The following CAMTA1 variants were observed in gnomAD, a reference collection of about 807,000 sequenced individuals.
The protein encoded by CAMTA1 is calmodulin-binding transcription activator 1.
In CAMTA1, 27 loss-of-function variants were observed where a neutral mutation model predicts 170.9. The observed-to-expected ratio is 0.16, with a 90% CI of 0.12 to 0.22. CAMTA1 has a LOEUF of 0.22. Ranked by LOEUF, CAMTA1 falls within the 10% of genes least tolerant of loss-of-function variation. The probability of loss-of-function intolerance (pLI) is 1.00; values close to 1 mark genes in which losing one functional copy is unlikely to be tolerated. For synonymous variants in CAMTA1, 833 were observed against 891.5 expected (o/e 0.93, Z 1.17); for missense variants, 1,619 against 2,217.2 (o/e 0.73, Z 5.42).
chr1:7,657,858 C>T (rs1304764085), intron 7 of CAMTA1, among the ~76,000 whole-genome samples: 1 of 152,076 alleles, frequency 6.6e-6, no homozygotes, highest in Non-Finnish European at 1.5e-5. Context: ...TAGAAACTCT[C>T]TGCTTGCAAT....
chr1:6,809,227 A>T (rs997514371), intron 1 of CAMTA1, among the ~76,000 whole-genome samples: 1 of 151,942 alleles, frequency 6.6e-6, no homozygotes, highest in Non-Finnish European at 1.5e-5. Flanking sequence ...GGGTTTCACC[A>T]TGTTGGCCAG....
intron 5 of CAMTA1, among the ~76,000 whole-genome samples, chr1:7,412,343 C>T (rs2090839783): frequency 1.3e-5 from 2 of 151,716 alleles, no homozygotes; most frequent in African/African-American, 2.4e-5. Context: ...CACTGACTTC[C>T]ACAATGGTTG....
intron 1 of CAMTA1, among the ~76,000 whole-genome samples, chr1:6,796,081 C>T (rs1642410364): frequency 6.8e-6 from 1 of 146,364 alleles, no homozygotes; most frequent in South Asian, 2.2e-4. Flanking sequence ...TTTGTTCTTA[C>T]AGGAAGTTGA....
intron 6 of CAMTA1, among the ~76,000 whole-genome samples, chr1:7,640,165 G>C (rs554920463): frequency 1.9e-4 from 29 of 152,172 alleles, no homozygotes; most frequent in Non-Finnish European, 3.5e-4. Context: ...ACAGCCGGAG[G>C]GGGAGGGGCC....
chr1:7,148,148 C>T (rs150935253), intron 4 of CAMTA1, among the ~76,000 whole-genome samples: 59 of 150,200 alleles, frequency 3.9e-4, no homozygotes, highest in African/African-American at 9.8e-4. Flanking sequence ...CATACACACA[C>T]GACACAAATG....
chr1:7,646,956 A>G (rs2095810926), intron 7 of CAMTA1, among the ~76,000 whole-genome samples: 1 of 152,184 alleles, frequency 6.6e-6, no homozygotes, highest in African/African-American at 2.4e-5. Context: ...AGCCTTCAGC[A>G]TCTGTAAGGC....
At chr1:7,112,150 G>A (rs79212950) in intron 4 of CAMTA1, among the ~76,000 whole-genome samples, 2,687 of 152,130 alleles carry the variant, frequency 0.018, 75 homozygotes, top group African/African-American at 0.062. Context: ...CCAGTGGCAC[G>A]TGCATTTGTT....
At chr1:7,737,112 G>A (rs968427965) in intron 14 of CAMTA1, 103 bp downstream of exon 14, 24 of 1,321,404 alleles carry the variant, frequency 1.8e-5, no homozygotes, top group East Asian at 6.9e-5. Context: ...GGCATGTTTC[G>A]GAGATACTTT....
At chr1:7,440,612 A>G (rs1291720968) in intron 5 of CAMTA1, among the ~76,000 whole-genome samples, 2 of 152,016 alleles carry the variant, frequency 1.3e-5, no homozygotes, top group East Asian at 3.9e-4. Flanking sequence ...AGAGGCAGAT[A>G]TTTGTTTTTC....
chr1:6,785,936 C>A (rs1378699590), intron 1 of CAMTA1, among the ~76,000 whole-genome samples: 1 of 150,212 alleles, frequency 6.7e-6, no homozygotes, highest in African/African-American at 2.4e-5. Context: ...CCCGAGCCCG[C>A]TGCGCGGCCC....
intron 6 of CAMTA1, among the ~76,000 whole-genome samples, chr1:7,555,983 T>C (rs886217219): frequency 6.6e-6 from 1 of 152,072 alleles, no homozygotes; most frequent in African/African-American, 2.4e-5. Context: ...TTGTTACTCA[T>C]AGATCCCATG....
At chr1:6,809,929 A>G (rs1432510969) in intron 1 of CAMTA1, among the ~76,000 whole-genome samples, 1 of 152,158 alleles carries the variant, frequency 6.6e-6, no homozygotes, top group African/African-American at 2.4e-5. Context: ...GATAGGGTGG[A>G]TGATTATTTC....
In CAMTA1 at chr1:6,843,940, A is replaced by G. The variant is rs768438317; in HGVS notation, c.234+18730A>G. Among the ~76,000 whole-genome samples the G allele has an allele frequency of 2.6e-4, 39 of 152,378 alleles. 1 individual carries two copies. Among genetic ancestry groups the G allele is most frequent in the Middle Eastern group, 3.4e-3 (1 of 294 alleles). ...GAGCTTTCATGTACTGCTGATGGGA[A>G]TCTACATTAGTTTAACCACTTTGGG... On this transcript the variant is annotated intron_variant, in intron 3 of 22. Transcript: ENST00000303635.
At position 6,890,751 on chromosome 1, in the gene CAMTA1, C is replaced by G. The variant is rs142897742; in HGVS notation, c.234+65541C>G. 2.0e-5 allele frequency among the ~76,000 whole-genome samples: 3 copies of G among 152,054 alleles called. No individual in the cohort carries two copies. The East Asian group carries it at 5.8e-4, about 29-fold the overall frequency. On this transcript the variant is annotated intron_variant, in intron 3 of 22. Transcript: ENST00000303635. ...ATGCCCAGCTGATTTCTTAATTTTT[C>G]TGTGGAGTCGAGGTCTTGCTATTTT...
intron 3 of CAMTA1, among the ~76,000 whole-genome samples, chr1:7,083,555 TG>T (rs1640313581): frequency 6.6e-6 from 1 of 152,152 alleles, no homozygotes; most frequent in South Asian, 2.1e-4. Flanking sequence ...CTGTTGGACC[TG>T]GGTTGGACTA....
At chr1:7,245,776 A>G (rs1219268439) in intron 4 of CAMTA1, among the ~76,000 whole-genome samples, 1 of 152,144 alleles carries the variant, frequency 6.6e-6, no homozygotes, top group Non-Finnish European at 1.5e-5. Flanking sequence ...CAGCTTCCCC[A>G]GAAGGAGATC....
intron 3 of CAMTA1, among the ~76,000 whole-genome samples, chr1:7,080,957 A>G (rs1385762839): frequency 6.6e-6 from 1 of 152,236 alleles, no homozygotes; most frequent in African/African-American, 2.4e-5. Flanking sequence ...GCAGACAACA[A>G]ATCAAATAAG....
At chr1:7,720,883 C>G (rs2096645297) in intron 11 of CAMTA1, among the ~76,000 whole-genome samples, 1 of 152,194 alleles carries the variant, frequency 6.6e-6, no homozygotes, top group African/African-American at 2.4e-5. Flanking sequence ...GTCAGCTCTG[C>G]TGGCCTTGGA....
chr1:7,436,964 T>C (rs1359618692), intron 5 of CAMTA1, among the ~76,000 whole-genome samples: 5 of 152,160 alleles, frequency 3.3e-5, no homozygotes, highest in African/African-American at 1.2e-4. Context: ...TTGGGGGGAA[T>C]GGCAGGGCAC....
Sources: gnomAD v4.1 joint callset for allele counts (sites outside exome capture counted in the v4.1 genomes callset) on GRCh38, gnomAD v4.1.1 for gene constraint, MANE v1.5 for transcripts, NCBI Gene and HGNC (gene_info 2026-07-23, HGNC 2026-07-21) for gene names.